ARHGEF10L: variants seen among roughly 807,000 people sequenced by gnomAD.
The protein encoded by ARHGEF10L is rho guanine nucleotide exchange factor 10-like protein.
Under a neutral mutation model 141.2 loss-of-function variants are expected in ARHGEF10L, and 69 were observed. The ratio of observed to expected loss-of-function variants is 0.49; its 90% CI spans 0.40 to 0.60. ARHGEF10L has a LOEUF of 0.60. Ranked by LOEUF, ARHGEF10L falls within the 20% of genes least tolerant of loss-of-function variation. The pLI, the probability that ARHGEF10L is intolerant of heterozygous loss-of-function variation, is 0.00. For missense variants in ARHGEF10L, 1,482 were observed against 1,734.3 expected (o/e 0.85, Z 2.58); for synonymous variants, 711 against 718.5 (o/e 0.99, Z 0.17).
chr1:17,590,858 G>T (rs965181573), intron 4 of ARHGEF10L, among the ~76,000 whole-genome samples: 1 of 152,130 alleles, frequency 6.6e-6, no homozygotes, highest in African/African-American at 2.4e-5. Context: ...CTGGTGAACG[G>T]TGCCTGTAAT....
chr1:17,680,222 A>G (rs890442340), intron 26 of ARHGEF10L, among the ~76,000 whole-genome samples: 2 of 152,120 alleles, frequency 1.3e-5, no homozygotes, highest in African/African-American at 4.8e-5. Flanking sequence ...CACGGTGGGT[A>G]CCTGTAAAGT....
In ARHGEF10L at chr1:17,697,423, C is replaced by T; in HGVS notation, c.*43C>T. 1 of 1,541,920 alleles carries T rather than the reference C, an allele frequency of 6.5e-7. No homozygotes were observed. On this transcript the variant is annotated 3_prime_UTR_variant, in exon 29 of 29. Transcript: ENST00000361221. This position sits in a 1 kb window ranked among gnomAD's most constrained non-coding sequence, Gnocchi z 4.8. ...CAGAGGGCACAGCTGCAGGCCTGAC[C>T]AAGGCCACGCCCGGCTCTCGTGCTC...
chr1:17,549,482 A>G (rs566045377), intron 1 of ARHGEF10L, among the ~76,000 whole-genome samples: 1 of 152,300 alleles, frequency 6.6e-6, no homozygotes, highest in East Asian at 1.9e-4. Flanking sequence ...GTGGGGGTAC[A>G]GGATTCGTTA....
intron 2 of ARHGEF10L, 110 bp from the exon 3 acceptor site, chr1:17,587,350 C>G (rs1203719009): frequency 1.8e-6 from 2 of 1,116,226 alleles, no homozygotes; most frequent in Non-Finnish European, 2.5e-6. Flanking sequence ...TTCCCTGGCT[C>G]AGACCTGAGG....
In ARHGEF10L at chr1:17,694,832, G is replaced by C. The variant is rs932120053; in HGVS notation, c.3185-326G>C. On this transcript the variant is annotated intron_variant, in intron 27 of 28. Transcript: ENST00000361221. ...GGATTGCCCTTGGACAACCCTTTGTGCCGGATGACCTGGCCGCCGTGTATT... is the reference window on the plus strand; with the variant it reads ...GGATTGCCCTTGGACAACCCTTTGTCCCGGATGACCTGGCCGCCGTGTATT... 1.5e-5 allele frequency: 7 copies of C among 478,952 alleles called. No homozygotes were observed. The Admixed American group carries it at 1.7e-4, about 12-fold the overall frequency. 29.7% of individuals were successfully genotyped at this position (478,952 alleles called of 1,614,324 possible). A position where few individuals can be genotyped will look rare whatever the true frequency, so the allele number is the denominator to read the frequency against.
At chr1:17,570,583 T>C (rs1220510412) in intron 1 of ARHGEF10L, among the ~76,000 whole-genome samples, 2 of 151,838 alleles carry the variant, frequency 1.3e-5, no homozygotes, top group African/African-American at 4.8e-5. Context: ...GAGATCAAGA[T>C]GAGGGCTTGG....
chr1:17,525,192 G>C, the ARHGEF10L span, among the ~76,000 whole-genome samples: 1 of 152,208 alleles, frequency 6.6e-6, no homozygotes, highest in Admixed American at 6.5e-5. Context: ...AGGGAGGAGA[G>C]GGAGGGAGCC....
rs2101513859 is a variant in ARHGEF10L, at chr1:17,623,212, G to T, written c.1200+37G>T. ...CAAACTTTTTCCCCAGCCCACCAAGGTAAAACCACAACCAGTCTGACCCCG... is the reference window on the plus strand; with the variant it reads ...CAAACTTTTTCCCCAGCCCACCAAGTTAAAACCACAACCAGTCTGACCCCG... On this transcript the variant is annotated intron_variant, in intron 12 of 28. Transcript: ENST00000361221. This position sits in a 1 kb window ranked among gnomAD's most constrained non-coding sequence, Gnocchi z 4.7. 1 of 1,602,010 alleles carries T rather than the reference G, an allele frequency of 6.2e-7. No homozygotes were observed. The highest frequency in any genetic ancestry group is 1.1e-5 in the South Asian group (1 of 89,740).
chr1:17,676,978 C>G (rs1464274644), intron 26 of ARHGEF10L, among the ~76,000 whole-genome samples: 2 of 149,592 alleles, frequency 1.3e-5, no homozygotes, highest in South Asian at 2.1e-4. Context: ...CCATCGCACT[C>G]TCTGCATCGG....
intron 1 of ARHGEF10L, among the ~76,000 whole-genome samples, chr1:17,567,716 C>T (rs566007636): frequency 3.3e-5 from 5 of 152,212 alleles, no homozygotes; most frequent in South Asian, 2.1e-4. Context: ...CCTGAGTTCC[C>T]GGGGCTGATT....
intron 25 of ARHGEF10L, among the ~76,000 whole-genome samples, chr1:17,662,150 G>T (rs6668662): frequency 6.6e-6 from 1 of 152,106 alleles, no homozygotes; most frequent in African/African-American, 2.4e-5. Context: ...ATTTAAACTC[G>T]CTGTGTCTCG....
rs1407710989 is a variant in ARHGEF10L at position 17,539,806 on chromosome 1, C to T, written c.-188C>T. 1.4e-5 allele frequency: 2 copies of T among 146,472 alleles called. No individual in the cohort carries two copies. The highest frequency in any genetic ancestry group is 3.6e-4 in the South Asian group (2 of 5,522). The allele number at this position is 146,472 out of a possible 1,614,324, so 9.1% of individuals were successfully genotyped here. On this transcript the variant is annotated 5_prime_UTR_variant, in exon 1 of 29. Coordinates refer to ENST00000361221, the MANE Select transcript of ARHGEF10L (RefSeq NM_018125.4). This position sits in a 1 kb window ranked among gnomAD's most constrained non-coding sequence, Gnocchi z 6.0. Reference sequence around the variant, plus strand: ...GGCGGGCGGGCGGCGCGGCCATTGGCTCGGGTGGCGGCGGCTGCGGCGGTG... The same window carrying T: ...GGCGGGCGGGCGGCGCGGCCATTGGTTCGGGTGGCGGCGGCTGCGGCGGTG...
intron 1 of ARHGEF10L, among the ~76,000 whole-genome samples, chr1:17,576,882 C>T (rs1224652043): frequency 1.3e-5 from 2 of 152,210 alleles, no homozygotes; most frequent in Admixed American, 6.5e-5. Flanking sequence ...TCGGTGTCAC[C>T]GCCTGGAGAG....
At chr1:17,652,152 G>T (rs774799018) in intron 22 of ARHGEF10L, among the ~76,000 whole-genome samples, 7 of 152,218 alleles carry the variant, frequency 4.6e-5, no homozygotes, top group Non-Finnish European at 1.0e-4. Context: ...AGAGGGAGTT[G>T]CTGGCCACAG....
In ARHGEF10L at chr1:17,621,478, C is replaced by G. The variant is rs900662787; in HGVS notation, c.943-386C>G. Among the ~76,000 whole-genome samples, 44 of 152,186 alleles carry G rather than the reference C, an allele frequency of 2.9e-4. No individual in the cohort carries two copies. Among genetic ancestry groups the G allele is most frequent in the Admixed American group, 9.2e-4 (14 of 15,278 alleles). On this transcript the variant is annotated intron_variant, in intron 10 of 28. Coordinates refer to ENST00000361221, the MANE Select transcript of ARHGEF10L (RefSeq NM_018125.4). This position sits in a 1 kb window ranked among gnomAD's most constrained non-coding sequence, Gnocchi z 4.1. ...GAACTCCTGACTTCAGGTGATTTGC[C>G]CATCTCTGCCTCCCAAAGTGCTGGG... is the stretch of plus-strand genomic sequence containing the variant.
chr1:17,534,542 T>G, the ARHGEF10L span, among the ~76,000 whole-genome samples: 1 of 151,332 alleles, frequency 6.6e-6, no homozygotes, highest in Non-Finnish European at 1.5e-5. Context: ...ATTACAGGCA[T>G]GAGTCATGGT....
At chr1:17,648,519 G>T in intron 21 of ARHGEF10L, 35 bp from the exon 22 acceptor site, 1 of 1,610,702 alleles carries the variant, frequency 6.2e-7, no homozygotes, top group Non-Finnish European at 8.5e-7. Flanking sequence ...CTTGGACTCT[G>T]ACCAGCTCTA....
At chr1:17,526,966 T>G in the ARHGEF10L span, among the ~76,000 whole-genome samples, 1 of 151,720 alleles carries the variant, frequency 6.6e-6, no homozygotes, top group Non-Finnish European at 1.5e-5. Flanking sequence ...TGTGCTGTCT[T>G]GGATGGCAAT....
chr1:17,642,320 T>C (rs2061370329), intron 21 of ARHGEF10L, among the ~76,000 whole-genome samples: 1 of 152,102 alleles, frequency 6.6e-6, no homozygotes, highest in Non-Finnish European at 1.5e-5. Flanking sequence ...ACAAAGGCCC[T>C]GAGGTAGGGA....
Sources: allele counts gnomAD v4.1 joint callset (sites outside exome capture counted in the v4.1 genomes callset), GRCh38; gene constraint gnomAD v4.1.1; non-coding constraint Gnocchi (gnomAD v3.1); transcripts MANE v1.5; gene names NCBI Gene and HGNC (gene_info 2026-07-23, HGNC 2026-07-21).